MRPL48: variants seen among roughly 807,000 people sequenced by gnomAD.
MRPL48 encodes large ribosomal subunit protein mL48.
A neutral mutation model predicts 32.9 loss-of-function variants in MRPL48; 16 were observed. The observed-to-expected ratio is 0.49, with a 90% CI of 0.33 to 0.74. The LOEUF (loss-of-function observed/expected upper bound fraction) is 0.74. Among genes scored for constraint, MRPL48 ranks in the 30% least tolerant of loss-of-function variants. The pLI is 0.02. For missense variants in MRPL48, 206 were observed against 245.3 expected, an observed-to-expected ratio of 0.84 and a Z score of 1.07; for synonymous variants, 94 against 89.2, an observed-to-expected ratio of 1.05 and a Z score of -0.31.
chr11:73,839,861 G>A (rs1344650848), intron 4 of MRPL48, among the ~76,000 whole-genome samples: 1 of 152,172 alleles, frequency 6.6e-6, no homozygotes, highest in Admixed American at 6.5e-5. Context: ...ACTTCGGGAG[G>A]CTGAGGTGGA....
intron 1 of MRPL48, among the ~76,000 whole-genome samples, chr11:73,800,086 CA>C (rs1211361516): frequency 6.6e-6 from 1 of 151,846 alleles, no homozygotes; most frequent in Non-Finnish European, 1.5e-5. Context: ...AATAATGCCC[CA>C]TCAGAGAGGG....
chr11:73,813,634 G>A (rs1947608083), intron 3 of MRPL48, among the ~76,000 whole-genome samples: 2 of 151,998 alleles, frequency 1.3e-5, no homozygotes, highest in African/African-American at 4.8e-5. Context: ...CTTTATGTTT[G>A]TGTTTTCTCC....
At chr11:73,855,465 C>T (rs1338692883) in intron 5 of MRPL48, among the ~76,000 whole-genome samples, 1 of 152,022 alleles carries the variant, frequency 6.6e-6, no homozygotes, top group Non-Finnish European at 1.5e-5. Flanking sequence ...CTTCATCTAA[C>T]TAGCTTCTAC....
intron 3 of MRPL48, chr11:73,823,139 G>A (rs1590962459): frequency 3.2e-6 from 1 of 307,994 alleles, no homozygotes; most frequent in Non-Finnish European, 6.6e-6. Flanking sequence ...CACAATAAAT[G>A]TAATATGCTT....
chr11:73,846,660 C>CT (rs1470974251), intron 5 of MRPL48, among the ~76,000 whole-genome samples: 1 of 139,140 alleles, frequency 7.2e-6, no homozygotes, highest in African/African-American at 2.8e-5. Context: ...TGCCCACCTC[C>CT]TTTCTTTTTT....
At chr11:73,854,857 TTAG>T (rs1948459248) in intron 5 of MRPL48, among the ~76,000 whole-genome samples, 1 of 152,210 alleles carries the variant, frequency 6.6e-6, no homozygotes, top group Non-Finnish European at 1.5e-5. Context: ...TTTTTGTGTA[TTAG>T]TAGATCAACG....
At chr11:73,850,450 ATC>A (rs1367887712) in intron 5 of MRPL48, 6 of 312,726 alleles carry the variant, frequency 1.9e-5, no homozygotes, top group Non-Finnish European at 3.1e-5. Flanking sequence ...TAAAAAAAAA[ATC>A]TCTCTTTCTT....
At chr11:73,859,286 C>CT (rs71065048) in intron 5 of MRPL48, among the ~76,000 whole-genome samples, 5,826 of 145,232 alleles carry the variant, frequency 0.04, 154 homozygotes, top group Middle Eastern at 0.093. Context: ...TCTTTTCTTT[C>CT]TTTTTTTTTT....
Position 73,790,984 on chromosome 11 carries a change from C to T in MRPL48, c.21+2992C>T, listed in dbSNP as rs531548975. The stretch of plus-strand genomic sequence containing the variant: ...CACTGCAGCCCCGATATCCCGGGCT[C>T]AGGTGATTCTCCCACCTCAGCCTCC... On this transcript the variant is annotated intron_variant, in intron 1 of 7. Transcript: ENST00000310614. 3.3e-5 allele frequency among the ~76,000 whole-genome samples: 5 copies of T among 149,654 alleles called. No individual in the cohort carries two copies. The Middle Eastern group carries it at 0.011, about 323-fold the overall frequency.
chr11:73,788,742 G>C (rs1461146219), intron 1 of MRPL48, among the ~76,000 whole-genome samples: 2 of 152,040 alleles, frequency 1.3e-5, no homozygotes, highest in Admixed American at 1.3e-4. Context: ...AAAGTGCCGG[G>C]ATTACAGGCA....
Position 73,840,003 on chromosome 11 carries a change from C to G in MRPL48, c.202-4804C>G, listed in dbSNP as rs532670747. The stretch of plus-strand genomic sequence containing the variant: ...GTCCCAGATACTTGGGAGGCTGAGG[C>G]GGGAGGATCACTTGAGACCCGGAGT... On this transcript the variant is annotated intron_variant, in intron 4 of 7. Transcript: ENST00000310614. Among the ~76,000 whole-genome samples, 2 of 150,786 alleles carry G rather than the reference C, an allele frequency of 1.3e-5. 1 individual carries two copies. The highest frequency in any genetic ancestry group is 4.3e-4 in the South Asian group (2 of 4,694).
chr11:73,803,139 A>T (rs1565403862), intron 1 of MRPL48, among the ~76,000 whole-genome samples: 2 of 151,860 alleles, frequency 1.3e-5, no homozygotes, highest in Admixed American at 1.3e-4. Flanking sequence ...TTATTTATTT[A>T]TTTTTTGAGA....
intron 3 of MRPL48, chr11:73,817,735 C>T (rs1455934333): frequency 3.4e-6 from 1 of 290,216 alleles, no homozygotes; most frequent in Non-Finnish European, 7.0e-6. Context: ...AGGATAATTT[C>T]CACTTGAAAG....
intron 4 of MRPL48, among the ~76,000 whole-genome samples, chr11:73,829,699 G>C (rs947612043): frequency 2.0e-5 from 3 of 152,200 alleles, no homozygotes; most frequent in Non-Finnish European, 4.4e-5. Context: ...TGAGCTGCCA[G>C]AGTTCTTGTG....
chr11:73,788,048 G>C, intron 1 of MRPL48, 56 bp downstream of exon 1: 1 of 1,602,954 alleles, frequency 6.2e-7, no homozygotes, highest in Non-Finnish European at 8.5e-7. Context: ...GTGCAGAGAG[G>C]GGAGATGGCG....
chr11:73,837,647 G>A (rs1948127023), intron 4 of MRPL48, among the ~76,000 whole-genome samples: 1 of 152,060 alleles, frequency 6.6e-6, no homozygotes, highest in African/African-American at 2.4e-5. Context: ...GTCCTACAAG[G>A]ACCTAAGAAT....
At chr11:73,859,278 TTTTC>T (rs1238344615) in intron 5 of MRPL48, among the ~76,000 whole-genome samples, 11 of 151,030 alleles carry the variant, frequency 7.3e-5, no homozygotes, top group East Asian at 3.9e-4. Flanking sequence ...TTTTCTTTTC[TTTTC>T]TTTCTTTTTT....
intron 1 of MRPL48, among the ~76,000 whole-genome samples, chr11:73,797,688 C>T (rs1565400972): frequency 6.6e-6 from 1 of 152,248 alleles, no homozygotes. Context: ...CACTCACATA[C>T]CCCTCACTGG....
At chr11:73,789,872 G>A (rs531802182) in intron 1 of MRPL48, among the ~76,000 whole-genome samples, 9 of 152,138 alleles carry the variant, frequency 5.9e-5, no homozygotes, top group African/African-American at 2.2e-4. Flanking sequence ...TCATACTGAT[G>A]GCTTGAATGA....
Sources: allele counts gnomAD v4.1 joint callset (sites outside exome capture counted in the v4.1 genomes callset), GRCh38; gene constraint gnomAD v4.1.1; transcripts MANE v1.5; gene names NCBI Gene and HGNC (gene_info 2026-07-23, HGNC 2026-07-21).